Variants in ATP6AP1 observed in about 807,000 individuals in gnomAD.
The protein encoded by ATP6AP1 is ATPase H+ transporting accessory protein 1.
Under a neutral mutation model 32.0 loss-of-function variants are expected in ATP6AP1, and 1 was observed. That is an observed-to-expected ratio of 0.03 (90% CI 0.01 to 0.15). ATP6AP1 has a LOEUF of 0.15. Ranked by LOEUF, ATP6AP1 falls within the 10% of genes least tolerant of loss-of-function variation. The pLI is 1.00. For missense variants in ATP6AP1, 297 were observed against 398.8 expected, an observed-to-expected ratio of 0.74 and a Z score of 2.17; for synonymous variants, 187 against 174.9, an observed-to-expected ratio of 1.07 and a Z score of -0.55.
In ATP6AP1 at chrX:154,429,218, GCC is replaced by G. The variant is rs781825027; in HGVS notation, c.288+45_288+46del. On this transcript the variant is annotated intron_variant, in intron 2 of 9. Coordinates refer to ENST00000369762, the MANE Select transcript of ATP6AP1 (RefSeq NM_001183.6). ...ACTCTCCCCCGGTCATCGGGAGGCA[GCC>G]AGGCCCCCTCCCCCCATGACACTGA... 3 of 1,196,932 alleles carry G rather than the reference GCC, an allele frequency of 2.5e-6. No homozygotes were observed. The South Asian group carries it at 5.4e-5, about 21-fold the overall frequency.
intron 2 of ATP6AP1, 200 bp from the exon 3 acceptor site, chrX:154,431,630 C>T (rs1557196787): frequency 4.3e-6 from 2 of 460,962 alleles, no homozygotes; most frequent in Non-Finnish European, 7.6e-6. Flanking sequence ...GTCTTCTCAC[C>T]CTGCCCTGAG....
At chrX:154,431,973 T>C in intron 3 of ATP6AP1, 69 bp downstream of exon 3, 1 of 1,089,962 alleles carries the variant, frequency 9.2e-7, no homozygotes, top group East Asian at 3.0e-5. Context: ...ATAAGAACTG[T>C]ACTCTGACCT....
intron 5 of ATP6AP1, 75 bp from the exon 6 acceptor site, chrX:154,433,560 A>C: frequency 9.7e-7 from 1 of 1,028,044 alleles, no homozygotes; most frequent in Non-Finnish European, 1.4e-6. Context: ...AGGTTTCTAA[A>C]GCAGACAGTG....
chrX:154,432,098 G>A (rs782061281), intron 3 of ATP6AP1, among the ~76,000 whole-genome samples, 168 bp from the exon 4 acceptor site: 1 of 112,644 alleles, frequency 8.9e-6, no homozygotes, highest in East Asian at 2.8e-4. Flanking sequence ...TGGCTTTGGG[G>A]TAGAAAGGCC....
At chrX:154,431,385 C>T (rs1188512894) in intron 2 of ATP6AP1, 5 of 139,767 alleles carry the variant, frequency 3.6e-5, no homozygotes, top group African/African-American at 9.6e-5. Flanking sequence ...TCTCCCCTTC[C>T]GCCAAAAGCA....
intron 8 of ATP6AP1, 37 bp from the exon 9 acceptor site, chrX:154,435,237 T>C (rs782554726): frequency 1.7e-6 from 2 of 1,207,636 alleles, no homozygotes; most frequent in East Asian, 5.9e-5. Flanking sequence ...GGCCCCAGCC[T>C]CCCCAGCTCA....
chrX:154,433,767 G>T (rs1557197218), intron 6 of ATP6AP1, 47 bp downstream of exon 6: 1 of 1,159,750 alleles, frequency 8.6e-7, no homozygotes, highest in Non-Finnish European at 1.2e-6. Context: ...GGGAGAGGCA[G>T]TGTGGTGAGT....
rs782615040 is a variant in ATP6AP1 at position 154,435,361 on chromosome X, C to T, written c.1059C>T (p.Val353=). The T allele has an allele frequency of 2.1e-5, 25 of 1,210,584 alleles. No homozygotes were observed. In the South Asian group the frequency reaches 3.7e-4, roughly 18 times the overall value. The change falls in exon 9 of 10, where the codon GTC becomes GTT. Residue 353 remains valine (V), a synonymous_variant. Coordinates refer to ENST00000369762, the MANE Select transcript of ATP6AP1 (RefSeq NM_001183.6). The part of the protein sequence containing the change: ...ERLEVHSNGS[V]AYFNASQVTG... Reference sequence around the variant, plus strand: ...TCGAAGTCCACAGCAATGGCTCCGTCGCCTACTTCAATGCTTCCCAGGTCA... The same window carrying T: ...TCGAAGTCCACAGCAATGGCTCCGTTGCCTACTTCAATGCTTCCCAGGTCA...
Position 154,431,400 on chromosome X carries a change from G to C in ATP6AP1, c.289-430G>C, listed in dbSNP as rs895052599. 1.3e-4 allele frequency: 18 copies of C among 139,603 alleles called. No individual in the cohort carries two copies. The South Asian group carries it at 2.7e-3, about 21-fold the overall frequency. The allele number at this position is 139,603 out of a possible 1,213,427, so 11.5% of individuals were successfully genotyped here. ...TCTCCCCTTCCGCCAAAAGCAGGTG[G>C]GGGGAGGGTCCCGTCCAGACTGGAC... On this transcript the variant is annotated intron_variant, in intron 2 of 9. Coordinates refer to ENST00000369762, the MANE Select transcript of ATP6AP1 (RefSeq NM_001183.6).
At chrX:154,431,696 G>T in intron 2 of ATP6AP1, 134 bp from the exon 3 acceptor site, 2 of 552,652 alleles carry the variant, frequency 3.6e-6, no homozygotes, top group Non-Finnish European at 3.1e-6. Flanking sequence ...ACACAGTTGT[G>T]CTCCACCATA....
chrX:154,431,405 A>T (rs2068692509), intron 2 of ATP6AP1: 1 of 136,708 alleles, frequency 7.3e-6, no homozygotes, highest in Non-Finnish European at 1.4e-5. Context: ...AGGTGGGGGG[A>T]GGGTCCCGTC....
rs1557196383 is a variant in ATP6AP1, at chrX:154,429,189, G to A, written c.288+15G>A. 8.3e-7 allele frequency: 1 copy of A among 1,209,324 alleles called. No homozygotes were observed. The highest frequency in any genetic ancestry group is 1.1e-6 in the Non-Finnish European group (1 of 894,142). On this transcript the variant is annotated intron_variant, in intron 2 of 9. Transcript: ENST00000369762. ...TGCAGGACAAGGTGCGCCCGCCCCA[G>A]CCCACTCTCCCCCGGTCATCGGGAG...
At chrX:154,431,761 G>A in intron 2 of ATP6AP1, 69 bp from the exon 3 acceptor site, 1 of 1,065,996 alleles carries the variant, frequency 9.4e-7, no homozygotes, top group Non-Finnish European at 1.3e-6. Context: ...CGGGGAAGGT[G>A]GCTGTCCCCT....
intron 2 of ATP6AP1, chrX:154,430,964 G>C (rs997179427): frequency 9.0e-6 from 1 of 111,303 alleles, no homozygotes; most frequent in African/African-American, 3.3e-5. Context: ...TAGGCCATGA[G>C]GGGGAAGGTC....
At chrX:154,433,460 G>A (rs1402493027) in intron 5 of ATP6AP1, among the ~76,000 whole-genome samples, 175 bp from the exon 6 acceptor site, 1 of 111,656 alleles carries the variant, frequency 9.0e-6, no homozygotes, top group Admixed American at 9.5e-5. Context: ...GTTGTCTCTG[G>A]GGGAGGCTGG....
intron 7 of ATP6AP1, among the ~76,000 whole-genome samples, chrX:154,434,804 C>T (rs1244168795): frequency 2.7e-5 from 3 of 111,813 alleles, no homozygotes; most frequent in Non-Finnish European, 3.8e-5. Flanking sequence ...GGCAACCATG[C>T]CCTTCTGTTT....
chrX:154,428,860 G>C lies in ATP6AP1; in HGVS notation c.161+7G>C. On this transcript the variant is annotated splice_region_variant and intron_variant, in intron 1 of 9. Coordinates refer to ENST00000369762, the MANE Select transcript of ATP6AP1 (RefSeq NM_001183.6). ...TGCTGTGGTCGAGTGACCGGTGAGCGGGCCGGGGTGGGATGCGCTGTGGCG... is the reference window on the plus strand; with the variant it reads ...TGCTGTGGTCGAGTGACCGGTGAGCCGGCCGGGGTGGGATGCGCTGTGGCG... The C allele has an allele frequency of 9.2e-7, 1 of 1,083,939 alleles. No homozygotes were observed. The highest frequency in any genetic ancestry group is 1.2e-6 in the Non-Finnish European group (1 of 842,323). The allele number at this position is 1,083,939 out of a possible 1,213,427, so 89.3% of individuals were successfully genotyped here. A position where few individuals can be genotyped will look rare whatever the true frequency, so the allele number is the denominator to read the frequency against.
At chrX:154,428,933 G>T in intron 1 of ATP6AP1, 80 bp downstream of exon 1, 4 of 1,121,179 alleles carry the variant, frequency 3.6e-6, no homozygotes, top group Non-Finnish European at 4.7e-6. Flanking sequence ...GCGAGGGGTG[G>T]TGAGGCCCGG....
At chrX:154,432,812 G>T in intron 4 of ATP6AP1, 119 bp from the exon 5 acceptor site, 2 of 874,198 alleles carry the variant, frequency 2.3e-6, no homozygotes, top group Non-Finnish European at 3.3e-6. Flanking sequence ...ACTGAGGTAA[G>T]AGTGTGCAGG....
Sources: gnomAD v4.1 joint callset for allele counts (sites outside exome capture counted in the v4.1 genomes callset) on GRCh38, gnomAD v4.1.1 for gene constraint, MANE v1.5 for transcripts, NCBI Gene and HGNC (gene_info 2026-07-23, HGNC 2026-07-21) for gene names.